GNB1: variants seen among roughly 807,000 people sequenced by gnomAD.
GNB1 encodes the protein guanine nucleotide-binding protein G(I)/G(S)/G(T) subunit beta-1.
A neutral mutation model predicts 42.9 loss-of-function variants in GNB1; 2 were observed. The observed-to-expected ratio is 0.05, with a 90% confidence interval of 0.02 to 0.15. The LOEUF is 0.15. Ranked by LOEUF, GNB1 falls within the 10% of genes least tolerant of loss-of-function variation. The pLI is 1.00. For synonymous variants in GNB1, 183 were observed against 174.7 expected (o/e 1.05, Z -0.38); for missense variants, 193 against 462.2 (o/e 0.42, Z 5.34).
rs1176452090 is a variant in GNB1, at chr1:1,817,879, G to C, written c.58-4C>G. Reference sequence around the variant, plus strand: ...CTGCACATGCTTTCCTGGCGTCCTGGGAAGCAAGGACAGTGAGAAATTAGC... The same window carrying C: ...CTGCACATGCTTTCCTGGCGTCCTGCGAAGCAAGGACAGTGAGAAATTAGC... On this transcript the variant is annotated splice_polypyrimidine_tract_variant and splice_region_variant and intron_variant, in intron 3 of 11. Coordinates refer to ENST00000378609, the MANE Select transcript of GNB1 (RefSeq NM_002074.5). 6.2e-7 allele frequency: 1 copy of C among 1,609,438 alleles called. No individual in the cohort carries two copies. Among genetic ancestry groups the C allele is most frequent in the Non-Finnish European group, 8.5e-7 (1 of 1,175,982 alleles).
intron 2 of GNB1, among the ~76,000 whole-genome samples, chr1:1,834,861 G>A (rs983581174): frequency 8.6e-5 from 13 of 151,816 alleles, no homozygotes; most frequent in African/African-American, 3.1e-4. Flanking sequence ...TTAGAGACGG[G>A]GTTTCACCGT....
chr1:1,831,407 C>T lies in GNB1; in HGVS notation c.-46-5908G>A, dbSNP rs889076168. On this transcript the variant is annotated intron_variant, in intron 2 of 11. Coordinates refer to ENST00000378609, the MANE Select transcript of GNB1 (RefSeq NM_002074.5). ...GGAAGACAGTAATAATTTGGGAAAA[C>T]GCTTACTATATACTAAGTCAAAAAT... Among the ~76,000 whole-genome samples the T allele has an allele frequency of 9.9e-5, 15 of 152,068 alleles. 1 individual carries two copies. In the South Asian group the frequency reaches 1.0e-3, roughly 11 times the overall value.
chr1:1,814,474 G>C (rs1646823255), intron 5 of GNB1, among the ~76,000 whole-genome samples: 1 of 152,140 alleles, frequency 6.6e-6, no homozygotes, highest in African/African-American at 2.4e-5. Flanking sequence ...GGAGATGCCT[G>C]GTGGAGAAGA....
chr1:1,844,467 T>C (rs1282803060), intron 1 of GNB1, among the ~76,000 whole-genome samples: 2 of 152,118 alleles, frequency 1.3e-5, no homozygotes, highest in African/African-American at 4.8e-5. Context: ...ACAGCTAATT[T>C]AGCAATATTA....
intron 2 of GNB1, among the ~76,000 whole-genome samples, chr1:1,827,440 A>G (rs1283804698): frequency 6.6e-6 from 1 of 152,236 alleles, no homozygotes; most frequent in African/African-American, 2.4e-5. Context: ...AAGCTTCACT[A>G]AGGAAAAATA....
chr1:1,800,926 G>A (rs1379534931), intron 7 of GNB1, among the ~76,000 whole-genome samples: 3 of 152,216 alleles, frequency 2.0e-5, no homozygotes, highest in Admixed American at 6.5e-5. Flanking sequence ...GACTTGTTCC[G>A]GGTAGGGCTC....
intron 1 of GNB1, among the ~76,000 whole-genome samples, chr1:1,857,746 A>T (rs1648384779): frequency 6.6e-6 from 1 of 152,186 alleles, no homozygotes; most frequent in African/African-American, 2.4e-5. Context: ...ATAGTACCAC[A>T]CTTTATATAG....
intron 2 of GNB1, among the ~76,000 whole-genome samples, chr1:1,828,123 C>A (rs1647024171): frequency 6.6e-6 from 1 of 152,042 alleles, no homozygotes; most frequent in Admixed American, 6.6e-5. Context: ...GAGTTTGAGA[C>A]CAGCGTGGTT....
chr1:1,878,182 G>A (rs531639449), intron 1 of GNB1, among the ~76,000 whole-genome samples: 2 of 152,298 alleles, frequency 1.3e-5, no homozygotes, highest in Admixed American at 1.3e-4. Context: ...TTCCCAGCAT[G>A]GTGCCTGGTG....
chr1:1,797,569 C>G lies in GNB1; in HGVS notation c.431-4258G>C, dbSNP rs377521517. Among the ~76,000 whole-genome samples, 144 of 152,262 alleles carry G rather than the reference C, an allele frequency of 9.5e-4. 1 individual carries two copies. The highest frequency in any genetic ancestry group is 3.1e-3 in the African/African-American group (127 of 41,558). On this transcript the variant is annotated intron_variant, in intron 7 of 11. Transcript: ENST00000378609. ...TCTCCTGCTTCAGCCTCCCAAGTAG[C>G]TGGGACTACAGGCACCTGCCACCAC...
At chr1:1,816,368 G>C (rs966733844) in intron 4 of GNB1, among the ~76,000 whole-genome samples, 1 of 152,190 alleles carries the variant, frequency 6.6e-6, no homozygotes, top group South Asian at 2.1e-4. Context: ...CCTACATATA[G>C]ACACTGATGT....
chr1:1,862,244 GTA>G (rs1648672920), intron 1 of GNB1, among the ~76,000 whole-genome samples: 1 of 152,174 alleles, frequency 6.6e-6, no homozygotes, highest in African/African-American at 2.4e-5. Flanking sequence ...TAAGTAAAGT[GTA>G]TATGTTAGCA....
At chr1:1,878,314 A>T (rs1304712802) in intron 1 of GNB1, among the ~76,000 whole-genome samples, 1 of 152,170 alleles carries the variant, frequency 6.6e-6, no homozygotes, top group Non-Finnish European at 1.5e-5. Flanking sequence ...GGTTGTAGGG[A>T]ATTTATTTCA....
intron 1 of GNB1, among the ~76,000 whole-genome samples, chr1:1,851,284 C>T (rs191360434): frequency 9.9e-4 from 151 of 152,196 alleles, no homozygotes; most frequent in African/African-American, 3.4e-3. Context: ...GTGGTGCATG[C>T]CTGTAATTCC....
chr1:1,866,470 A>T (rs975944976), intron 1 of GNB1, among the ~76,000 whole-genome samples: 23 of 152,216 alleles, frequency 1.5e-4, no homozygotes, highest in Admixed American at 1.4e-3. Context: ...TCTTTTTAAC[A>T]ACTGCACAGT....
At chr1:1,844,822 G>A (rs896358720) in intron 1 of GNB1, among the ~76,000 whole-genome samples, 8 of 152,188 alleles carry the variant, frequency 5.3e-5, no homozygotes, top group African/African-American at 1.9e-4. Flanking sequence ...TGCCGTAAGT[G>A]TGGTGCACAT....
In GNB1 at chr1:1,793,374, A is replaced by G. The variant is rs1056507581; in HGVS notation, c.431-63T>C. 7 of 1,102,060 alleles carry G rather than the reference A, an allele frequency of 6.4e-6. No individual in the cohort carries two copies. In the African/African-American group the frequency reaches 7.6e-5, roughly 12 times the overall value. 68.3% of individuals were successfully genotyped at this position (1,102,060 alleles called of 1,614,324 possible). A position where few individuals can be genotyped will look rare whatever the true frequency, so the allele number is the denominator to read the frequency against. On this transcript the variant is annotated intron_variant, in intron 7 of 11. Coordinates refer to ENST00000378609, the MANE Select transcript of GNB1 (RefSeq NM_002074.5). ...GCAGGCCTTGCACCCAGCCTCATAC[A>G]TAGAGAAACACATTGGCCCGGTGGA...
intron 7 of GNB1, chr1:1,793,856 A>C (rs1422223588): frequency 1.9e-5 from 3 of 153,868 alleles, no homozygotes; most frequent in Admixed American, 1.3e-4. Flanking sequence ...GAGTAGACTC[A>C]GAGAAGGAGG....
At chr1:1,854,250 G>A (rs1393885674) in intron 1 of GNB1, among the ~76,000 whole-genome samples, 1 of 152,226 alleles carries the variant, frequency 6.6e-6, no homozygotes, top group Non-Finnish European at 1.5e-5. Context: ...GGCCACTCTG[G>A]TGTGGAGAAA....
Sources: gnomAD v4.1 joint callset for allele counts (sites outside exome capture counted in the v4.1 genomes callset) on GRCh38, gnomAD v4.1.1 for gene constraint, MANE v1.5 for transcripts, NCBI Gene and HGNC (gene_info 2026-07-23, HGNC 2026-07-21) for gene names.